Variants in CACNB4 observed in about 807,000 individuals in gnomAD.
CACNB4 encodes the protein voltage-dependent L-type calcium channel subunit beta-4.
A neutral mutation model predicts 71.2 loss-of-function variants in CACNB4; 32 were observed. The ratio of observed to expected loss-of-function variants is 0.45; its 90% CI spans 0.34 to 0.60. The LOEUF is 0.60. CACNB4 is among the 20% of genes least tolerant of loss of function. The pLI, the probability that CACNB4 is intolerant of heterozygous loss-of-function variation, is 0.01. For synonymous variants in CACNB4, 231 were observed against 236.9 expected (o/e 0.97, Z 0.23); for missense variants, 464 against 647.9 (o/e 0.72, Z 3.08).
At chr2:152,046,046 A>G (rs76639007) in intron 2 of CACNB4, among the ~76,000 whole-genome samples, 297 of 152,368 alleles carry the variant, frequency 1.9e-3, no homozygotes, top group African/African-American at 6.8e-3. Context: ...CTCTATTATA[A>G]TAAGAGAAAA....
At position 151,880,958 on chromosome 2, in the gene CACNB4, G is replaced by A. The variant is rs115354226; in HGVS notation, c.268-36C>T. On this transcript the variant is annotated intron_variant, in intron 3 of 13. Transcript: ENST00000539935. ...AACCATGGAATAAGGAATGAGGAAG[G>A]GAGGAGAGAGGAGCATTTTTCATAT... 0.01 allele frequency: 16,109 copies of A among 1,553,128 alleles called. 105 individuals are homozygous for A. The highest frequency in any genetic ancestry group is 0.012 in the Non-Finnish European group (13,909 of 1,149,320).
intron 2 of CACNB4, among the ~76,000 whole-genome samples, chr2:151,996,744 T>C (rs1682065650): frequency 6.6e-6 from 1 of 152,222 alleles, no homozygotes; most frequent in South Asian, 2.1e-4. Context: ...AATATTTTTC[T>C]TATTTTCTGT....
In CACNB4 at chr2:152,009,117, G is replaced by T. The variant is rs371864707; in HGVS notation, c.147+89213C>A. Among the ~76,000 whole-genome samples the T allele has an allele frequency of 2.7e-4, 41 of 151,744 alleles. No homozygotes were observed. The East Asian group carries it at 5.8e-3, about 22-fold the overall frequency. On this transcript the variant is annotated intron_variant, in intron 2 of 13. Coordinates refer to ENST00000539935, the MANE Select transcript of CACNB4 (RefSeq NM_000726.5). ...GAGGTGGGAGGATCGCTTGAGCCCA[G>T]GAGTTCAAGGCTGCAGTTAGCTGTG...
chr2:152,023,914 G>C (rs899353301), intron 2 of CACNB4, among the ~76,000 whole-genome samples: 1 of 152,214 alleles, frequency 6.6e-6, no homozygotes, highest in Non-Finnish European at 1.5e-5. Flanking sequence ...TGTCCTGGAG[G>C]CACATATCTG....
chr2:152,094,175 T>C (rs1560196442), intron 2 of CACNB4, among the ~76,000 whole-genome samples: 1 of 152,144 alleles, frequency 6.6e-6, no homozygotes, highest in Non-Finnish European at 1.5e-5. Context: ...GAGCCCCTTG[T>C]TGGGGAACTG....
At chr2:151,937,008 A>T (rs559403603) in intron 2 of CACNB4, among the ~76,000 whole-genome samples, 1 of 152,348 alleles carries the variant, frequency 6.6e-6, no homozygotes, top group South Asian at 2.1e-4. Context: ...CTCACTGAAT[A>T]AGTTTTCTTT....
intron 2 of CACNB4, among the ~76,000 whole-genome samples, chr2:152,077,391 A>G (rs1016139570): frequency 6.6e-6 from 1 of 152,174 alleles, no homozygotes; most frequent in Non-Finnish European, 1.5e-5. Context: ...CGTCTCTACT[A>G]AAAATACAAA....
intron 2 of CACNB4, among the ~76,000 whole-genome samples, chr2:151,893,965 A>G (rs1373352812): frequency 6.6e-6 from 1 of 152,234 alleles, no homozygotes; most frequent in Non-Finnish European, 1.5e-5. Flanking sequence ...AGAAAACTAC[A>G]GGCCAATGCC....
chr2:152,093,138 G>A (rs984013890), intron 2 of CACNB4, among the ~76,000 whole-genome samples: 16 of 152,008 alleles, frequency 1.1e-4, no homozygotes, highest in African/African-American at 4.8e-5. Context: ...TACATATATT[G>A]TTTCTAGTTT....
At chr2:152,004,331 T>C (rs1245467540) in intron 2 of CACNB4, among the ~76,000 whole-genome samples, 1 of 152,074 alleles carries the variant, frequency 6.6e-6, no homozygotes, top group Non-Finnish European at 1.5e-5. Flanking sequence ...GATCCTCCTC[T>C]CCTTTTCGAT....
chr2:151,883,131 T>A, intron 3 of CACNB4, 120 bp downstream of exon 3: 1 of 1,035,484 alleles, frequency 9.7e-7, no homozygotes, highest in Non-Finnish European at 1.4e-6. Flanking sequence ...CTTCCCAATC[T>A]GGAGCCTTGT....
intron 2 of CACNB4, among the ~76,000 whole-genome samples, chr2:151,998,281 T>C (rs1312043884): frequency 3.0e-5 from 4 of 135,080 alleles, no homozygotes; most frequent in African/African-American, 1.2e-4. Context: ...GTGGAGATGG[T>C]GCCACTGCAA....
chr2:152,038,083 AC>A (rs1327638505), intron 2 of CACNB4, among the ~76,000 whole-genome samples: 3 of 152,230 alleles, frequency 2.0e-5, no homozygotes, highest in African/African-American at 7.2e-5. Context: ...CATGTCAGGA[AC>A]CTACTGGGAT....
chr2:152,021,407 A>G (rs1288881491), intron 2 of CACNB4, among the ~76,000 whole-genome samples: 1 of 152,204 alleles, frequency 6.6e-6, no homozygotes, highest in Non-Finnish European at 1.5e-5. Flanking sequence ...AAAACTTCAA[A>G]TAAGGAGTAA....
At chr2:151,971,264 G>A in intron 2 of CACNB4, 1 of 557,046 alleles carries the variant, frequency 1.8e-6, no homozygotes, top group Non-Finnish European at 3.2e-6. Context: ...CCCTAGGCAA[G>A]ATGATCTTAT....
rs1553747028 is a variant in CACNB4, at chr2:151,855,339, A to G, written c.905T>C (p.Leu302Ser). Residue 302 changes from leucine to serine, a missense_variant, in exon 11 of 14, where the codon TTG (leucine) becomes TCG (serine). Leu to Ser is a moderately radical substitution (Grantham distance 145). Around this residue, in one of 3 missense-constraint regions of CACNB4, gnomAD observed 299 missense variants for 471.7 expected, o/e 0.63. Coordinates refer to ENST00000539935, the MANE Select transcript of CACNB4 (RefSeq NM_000726.5). ...AACAACCAGTTGCAAAGATCTTGCC[A>G]ACTCAAAGATTCTTTCAATTTCACT... ...VQSEIERIFE[L>S]ARSLQLVVLD... The G allele has an allele frequency of 6.3e-7, 1 of 1,598,584 alleles. No homozygotes were observed. The highest frequency in any genetic ancestry group is 1.7e-5 in the Admixed American group (1 of 59,784).
At chr2:151,946,251 C>T (rs968320243) in intron 2 of CACNB4, among the ~76,000 whole-genome samples, 2 of 151,970 alleles carry the variant, frequency 1.3e-5, no homozygotes, top group African/African-American at 4.8e-5. Flanking sequence ...ATCACTTGAA[C>T]CCGGGAGGTG....
intron 2 of CACNB4, among the ~76,000 whole-genome samples, chr2:151,944,465 A>G (rs1395982715): frequency 1.3e-5 from 2 of 152,192 alleles, no homozygotes; most frequent in Non-Finnish European, 2.9e-5. Flanking sequence ...AAAAGAGAGT[A>G]TAGGTATTAA....
intron 2 of CACNB4, among the ~76,000 whole-genome samples, chr2:152,027,405 A>G (rs1460978039): frequency 1.3e-5 from 2 of 152,268 alleles, no homozygotes; most frequent in African/African-American, 2.4e-5. Flanking sequence ...AACTGTAATT[A>G]GATAGATTTT....
Sources: gnomAD v4.1 joint callset for allele counts (sites outside exome capture counted in the v4.1 genomes callset) on GRCh38, gnomAD v4.1.1 for gene constraint, gnomAD v4.1.1 regional missense constraint, MANE v1.5 for transcripts, NCBI Gene and HGNC (gene_info 2026-07-23, HGNC 2026-07-21) for gene names.